GRIN2A: variants seen among roughly 807,000 people sequenced by gnomAD.
GRIN2A encodes glutamate ionotropic receptor NMDA type subunit 2A.
A neutral mutation model predicts 113.4 loss-of-function variants in GRIN2A; 22 were observed. The ratio of observed to expected loss-of-function variants is 0.19; its 90% CI spans 0.14 to 0.28. The LOEUF is 0.28. Ranked by LOEUF, GRIN2A falls within the 10% of genes least tolerant of loss-of-function variation. GRIN2A has a pLI of 1.00. For synonymous variants in GRIN2A, 827 were observed against 738.4 expected, an observed-to-expected ratio of 1.12 and a Z score of -1.94; for missense variants, 1,502 against 1,887.0, an observed-to-expected ratio of 0.80 and a Z score of 3.78.
At chr16:9,848,029 G>T (rs2042807473) in intron 5 of GRIN2A, among the ~76,000 whole-genome samples, 3 of 144,916 alleles carry the variant, frequency 2.1e-5, no homozygotes, top group African/African-American at 5.0e-5. Context: ...GTTAATATAT[G>T]AAAATGTTTT....
intron 2 of GRIN2A, among the ~76,000 whole-genome samples, chr16:10,051,667 T>C (rs1596463411): frequency 1.3e-5 from 2 of 152,188 alleles, no homozygotes; most frequent in East Asian, 1.9e-4. Context: ...AGAGAAAGGG[T>C]ATTCCAGGGA....
At chr16:9,952,409 A>G (rs1300514159) in intron 2 of GRIN2A, among the ~76,000 whole-genome samples, 2 of 152,172 alleles carry the variant, frequency 1.3e-5, no homozygotes, top group South Asian at 2.1e-4. Flanking sequence ...CAGAATGAAG[A>G]ACATGGCACC....
At chr16:9,769,922 T>G (rs1329795576) in intron 11 of GRIN2A, among the ~76,000 whole-genome samples, 1 of 152,168 alleles carries the variant, frequency 6.6e-6, no homozygotes, top group Non-Finnish European at 1.5e-5. Flanking sequence ...GCACAAAACT[T>G]TAATTGAAAA....
Position 9,938,570 on chromosome 16 carries a change from T to A in GRIN2A, c.415-19A>T. On this transcript the variant is annotated intron_variant, in intron 2 of 12. Coordinates refer to ENST00000330684, the MANE Select transcript of GRIN2A (RefSeq NM_001134407.3). Reference sequence around the variant, plus strand: ...TCGGATCCTGCCAGTGAAAAGAAAGTAAAACAGAGGATGAGGCAGGAGGTG... The same window carrying A: ...TCGGATCCTGCCAGTGAAAAGAAAGAAAAACAGAGGATGAGGCAGGAGGTG... 3 of 1,576,636 alleles carry A rather than the reference T, an allele frequency of 1.9e-6. No individual in the cohort carries two copies. In the South Asian group the frequency reaches 3.3e-5, roughly 17 times the overall value.
At chr16:9,980,934 C>T (rs2045880446) in intron 2 of GRIN2A, among the ~76,000 whole-genome samples, 1 of 151,324 alleles carries the variant, frequency 6.6e-6, no homozygotes, top group South Asian at 2.1e-4. Flanking sequence ...CACATGTACA[C>T]ATATGTAACA....
rs1161103073 is a variant in GRIN2A, at chr16:9,860,464, A to G, written c.1123-10503T>C. The stretch of plus-strand genomic sequence containing the variant: ...GTCTCTCAAAAAAAAAAAAAAAAAA[A>G]AAAAAAGAAAGACCAAGGGAGTTAG... On this transcript the variant is annotated intron_variant, in intron 4 of 12. Coordinates refer to ENST00000330684, the MANE Select transcript of GRIN2A (RefSeq NM_001134407.3). Among the ~76,000 whole-genome samples the G allele has an allele frequency of 2.8e-3, 370 of 133,058 alleles. 1 individual carries two copies. The highest frequency in any genetic ancestry group is 7.9e-3 in the African/African-American group (311 of 39,554). The allele number at this position is 133,058 out of a possible 152,430, so 87.3% of individuals were successfully genotyped here.
intron 2 of GRIN2A, among the ~76,000 whole-genome samples, chr16:10,123,158 C>A (rs1312000779): frequency 6.6e-6 from 1 of 152,182 alleles, no homozygotes; most frequent in African/African-American, 2.4e-5. Flanking sequence ...TGTCCTCTCA[C>A]ATTTGCAGAT....
At chr16:9,978,330 C>T (rs898246810) in intron 2 of GRIN2A, among the ~76,000 whole-genome samples, 2 of 152,168 alleles carry the variant, frequency 1.3e-5, no homozygotes, top group African/African-American at 4.8e-5. Flanking sequence ...TGAACTTGGG[C>T]AAGTCTTTTC....
chr16:10,168,568 A>T (rs2049970525), intron 2 of GRIN2A, among the ~76,000 whole-genome samples: 1 of 152,230 alleles, frequency 6.6e-6, no homozygotes, highest in African/African-American at 2.4e-5. Context: ...TAGCTCAATC[A>T]TATCCTGATA....
intron 10 of GRIN2A, among the ~76,000 whole-genome samples, chr16:9,802,923 G>C (rs998767778): frequency 6.6e-6 from 1 of 152,154 alleles, no homozygotes; most frequent in Non-Finnish European, 1.5e-5. Flanking sequence ...GAAGGCTTAG[G>C]GAGCAGGACT....
intron 3 of GRIN2A, among the ~76,000 whole-genome samples, chr16:9,929,791 T>C (rs1408830273): frequency 6.6e-6 from 1 of 152,250 alleles, no homozygotes; most frequent in East Asian, 1.9e-4. Context: ...CAATGTGCCT[T>C]TTTGTTCGGC....
intron 2 of GRIN2A, among the ~76,000 whole-genome samples, chr16:10,062,623 G>C (rs1233486232): frequency 6.6e-6 from 1 of 152,184 alleles, no homozygotes; most frequent in Non-Finnish European, 1.5e-5. Context: ...CCAACATTTT[G>C]GGAGGCCGAG....
At chr16:10,141,334 C>G (rs933399485) in intron 2 of GRIN2A, among the ~76,000 whole-genome samples, 1 of 149,632 alleles carries the variant, frequency 6.7e-6, no homozygotes, top group African/African-American at 2.5e-5. Flanking sequence ...AATAAAAATA[C>G]AAAAATAGCC....
chr16:10,143,859 G>T (rs544139095), intron 2 of GRIN2A, among the ~76,000 whole-genome samples: 60 of 152,272 alleles, frequency 3.9e-4, no homozygotes, highest in African/African-American at 1.3e-3. Flanking sequence ...CCAACTACTA[G>T]GGAGGCTGAG....
intron 4 of GRIN2A, among the ~76,000 whole-genome samples, chr16:9,885,386 T>C (rs1346468211): frequency 6.6e-6 from 1 of 152,140 alleles, no homozygotes; most frequent in Non-Finnish European, 1.5e-5. Flanking sequence ...CAGACCAAAA[T>C]CACTGAAGAA....
intron 2 of GRIN2A, among the ~76,000 whole-genome samples, chr16:9,974,894 G>T (rs978396613): frequency 2.6e-5 from 4 of 152,130 alleles, no homozygotes; most frequent in African/African-American, 9.7e-5. Flanking sequence ...GAAGTGGTGA[G>T]ATTGAACATC....
chr16:9,768,426 C>A (rs1221749301), intron 12 of GRIN2A, among the ~76,000 whole-genome samples: 2 of 152,168 alleles, frequency 1.3e-5, no homozygotes, highest in South Asian at 2.1e-4. Context: ...ATGACATTTT[C>A]TCTTTTTAAA....
chr16:10,113,125 C>T (rs1334396960), intron 2 of GRIN2A, among the ~76,000 whole-genome samples: 1 of 152,030 alleles, frequency 6.6e-6, no homozygotes, highest in Non-Finnish European at 1.5e-5. Context: ...GCCAGCCAGG[C>T]TCTCAGGCCC....
intron 2 of GRIN2A, among the ~76,000 whole-genome samples, chr16:10,000,597 A>G (rs2046302855): frequency 6.6e-6 from 1 of 152,020 alleles, no homozygotes; most frequent in Non-Finnish European, 1.5e-5. Flanking sequence ...GGGAGGAAAC[A>G]GAGGAGAGAG....
Sources: gnomAD v4.1 joint callset for allele counts (sites outside exome capture counted in the v4.1 genomes callset) on GRCh38, gnomAD v4.1.1 for gene constraint, MANE v1.5 for transcripts, NCBI Gene and HGNC (gene_info 2026-07-23, HGNC 2026-07-21) for gene names.